Variants in KIF1A observed in about 807,000 individuals in gnomAD.
KIF1A encodes the protein kinesin-like protein KIF1A.
A neutral mutation model predicts 227.3 loss-of-function variants in KIF1A; 46 were observed. The observed-to-expected ratio is 0.20, with a 90% CI of 0.16 to 0.26. KIF1A has a LOEUF of 0.26. Ranked by LOEUF, KIF1A falls within the 10% of genes least tolerant of loss-of-function variation. The pLI, the probability that KIF1A is intolerant of heterozygous loss-of-function variation, is 1.00. For synonymous variants in KIF1A, 1,022 were observed against 1,012.8 expected (o/e 1.01, Z -0.17); for missense variants, 1,683 against 2,485.9 (o/e 0.68, Z 6.87).
At chr2:240,749,114 A>C (rs373704600) in intron 28 of KIF1A, among the ~76,000 whole-genome samples, 6 of 149,214 alleles carry the variant, frequency 4.0e-5, no homozygotes, top group African/African-American at 1.5e-4. Context: ...CGACAGAGCA[A>C]GACTTTGTCC....
chr2:240,782,270 AGG>A, intron 10 of KIF1A: 2 of 912,914 alleles, frequency 2.2e-6, no homozygotes, highest in Non-Finnish European at 2.6e-6. Context: ...TCCATGTCCG[AGG>A]GGCTCCTCCG....
intron 1 of KIF1A, among the ~76,000 whole-genome samples, chr2:240,816,428 C>T (rs760975296): frequency 1.3e-4 from 19 of 151,938 alleles, no homozygotes; most frequent in Admixed American, 8.5e-4. Flanking sequence ...TGTGTGTGGC[C>T]GGGTGACTGC....
Position 240,778,511 on chromosome 2 carries a change from T to A in KIF1A, c.883-2585A>T. ...GGCGCTCGCAGCTCCCGCACAGCGT[T>A]ACACACACACACACACACACACACA... On this transcript the variant is annotated intron_variant, in intron 10 of 48. Transcript: ENST00000498729. The surrounding 1 kb of genome is among the most constrained non-coding windows in gnomAD (Gnocchi z 7.2). Among the ~76,000 whole-genome samples the A allele has an allele frequency of 7.5e-6, 1 of 134,206 alleles. No individual in the cohort carries two copies. Among genetic ancestry groups the A allele is most frequent in the South Asian group, 2.5e-4 (1 of 4,046 alleles). The allele number at this position is 134,206 out of a possible 152,430, so 88.0% of individuals were successfully genotyped here. A position where few individuals can be genotyped will look rare whatever the true frequency, so the allele number is the denominator to read the frequency against.
At chr2:240,767,093 A>G in intron 18 of KIF1A, 72 bp from the exon 19 acceptor site, 1 of 1,266,280 alleles carries the variant, frequency 7.9e-7, no homozygotes, top group East Asian at 2.5e-5. Flanking sequence ...ACTGGCCTCC[A>G]GGGACGCCCA....
intron 10 of KIF1A, among the ~76,000 whole-genome samples, chr2:240,777,955 T>C (rs1009230779): frequency 2.0e-5 from 3 of 152,024 alleles, no homozygotes; most frequent in African/African-American, 7.2e-5. Context: ...TGCTTCCACA[T>C]GTCAGTCCCG....
rs1021969204 is a variant in KIF1A at position 240,778,252 on chromosome 2, C to G, written c.883-2326G>C. On this transcript the variant is annotated intron_variant, in intron 10 of 48. Transcript: ENST00000498729. The surrounding 1 kb of genome is among the most constrained non-coding windows in gnomAD (Gnocchi z 7.2). ...CCACACGCAATTCTGTCACAGTTCTCTGTGGAGTTCTTTACACAGTTCCAC... is the reference window on the plus strand; with the variant it reads ...CCACACGCAATTCTGTCACAGTTCTGTGTGGAGTTCTTTACACAGTTCCAC... Among the ~76,000 whole-genome samples, 1 of 152,124 alleles carries G rather than the reference C, an allele frequency of 6.6e-6. No individual in the cohort carries two copies. Among genetic ancestry groups the G allele is most frequent in the Middle Eastern group, 3.2e-3 (1 of 316 alleles).
At chr2:240,750,593 T>C (rs1310606545) in intron 27 of KIF1A, 46 bp from the exon 28 acceptor site, 4 of 1,389,382 alleles carry the variant, frequency 2.9e-6, no homozygotes, top group Non-Finnish European at 3.1e-6. Flanking sequence ...CCTCCACGCA[T>C]GTTCTGAACG....
chr2:240,793,211 T>A lies in KIF1A; in HGVS notation c.107-3899A>T, dbSNP rs1219520507. The stretch of plus-strand genomic sequence containing the variant: ...GGGTCGCACCCACCCTGGGTCCAGA[T>A]CCCCATCTGTGGGCAAGGGCAGAGA... On this transcript the variant is annotated intron_variant, in intron 2 of 48. Coordinates refer to ENST00000498729, the MANE Select transcript of KIF1A (RefSeq NM_001244008.2). The surrounding 1 kb of genome is among the most constrained non-coding windows in gnomAD (Gnocchi z 4.8). Among the ~76,000 whole-genome samples, 1 of 152,116 alleles carries A rather than the reference T, an allele frequency of 6.6e-6. No homozygotes were observed. Among genetic ancestry groups the A allele is most frequent in the Non-Finnish European group, 1.5e-5 (1 of 68,008 alleles).
In KIF1A at chr2:240,782,190, C is replaced by T. The variant is rs1033688139; in HGVS notation, c.882+400G>A. 1.3e-5 allele frequency: 13 copies of T among 985,264 alleles called. No individual in the cohort carries two copies. The African/African-American group carries it at 1.7e-4, about 13-fold the overall frequency. 61.0% of individuals were successfully genotyped at this position (985,264 alleles called of 1,614,324 possible). ...ACGCGCCCGCCTCCCCCTGTGGCCC[C>T]GTCACGCCTACGGCTGCTCAGAGTC... On this transcript the variant is annotated intron_variant, in intron 10 of 48. Coordinates refer to ENST00000498729, the MANE Select transcript of KIF1A (RefSeq NM_001244008.2).
intron 7 of KIF1A, among the ~76,000 whole-genome samples, chr2:240,784,449 C>G (rs2054456820): frequency 6.6e-6 from 1 of 152,226 alleles, no homozygotes; most frequent in Non-Finnish European, 1.5e-5. Flanking sequence ...TCGTCTGTCC[C>G]CCAACCCACC....
In KIF1A at chr2:240,723,408, C is replaced by T. The variant is rs2045638164; in HGVS notation, c.4464+5G>A. ...TGCGGGCCTCATCCTCTGAGGCTGCCTCACCTCCTGCAGGAGGCTCAGCTT... is the reference window on the plus strand; with the variant it reads ...TGCGGGCCTCATCCTCTGAGGCTGCTTCACCTCCTGCAGGAGGCTCAGCTT... On this transcript the variant is annotated splice_donor_5th_base_variant and intron_variant, in intron 42 of 48. Coordinates refer to ENST00000498729, the MANE Select transcript of KIF1A (RefSeq NM_001244008.2). 6.5e-7 allele frequency: 1 copy of T among 1,544,764 alleles called. No homozygotes were observed. The highest frequency in any genetic ancestry group is 8.7e-7 in the Non-Finnish European group (1 of 1,142,898).
At chr2:240,809,777 A>G (rs1207235678) in intron 1 of KIF1A, among the ~76,000 whole-genome samples, 1 of 151,116 alleles carries the variant, frequency 6.6e-6, no homozygotes, top group East Asian at 1.9e-4. Flanking sequence ...CAAGAGAAAT[A>G]CCTAATGTAA....
chr2:240,818,950 T>TG (rs897149915), intron 1 of KIF1A: 1 of 152,318 alleles, frequency 6.6e-6, no homozygotes, highest in Admixed American at 6.5e-5. Flanking sequence ...CTCCAGTCTC[T>TG]GGGGGAAAGT....
chr2:240,735,155 C>T (rs1243467945), intron 38 of KIF1A, among the ~76,000 whole-genome samples: 2 of 152,116 alleles, frequency 1.3e-5, no homozygotes, highest in Non-Finnish European at 2.9e-5. Flanking sequence ...TGGGAGCTGC[C>T]AGCACGGGCA....
At chr2:240,745,165 T>C (rs2048436418) in intron 32 of KIF1A, among the ~76,000 whole-genome samples, 1 of 152,070 alleles carries the variant, frequency 6.6e-6, no homozygotes, top group Non-Finnish European at 1.5e-5. Flanking sequence ...TGCACCTGCA[T>C]CCGGCTCCCC....
rs2125985178 is a variant in KIF1A at position 240,775,798 on chromosome 2, CAGCCCAGGGTGGGATCAG to C, written c.958+35_958+52del. The C allele has an allele frequency of 1.1e-5, 13 of 1,232,316 alleles. No homozygotes were observed. Among genetic ancestry groups the C allele is most frequent in the Middle Eastern group, 1.9e-4 (1 of 5,280 alleles). 76.3% of individuals were successfully genotyped at this position (1,232,316 alleles called of 1,614,324 possible). ...ACCCCCTCAGTGGGGAAGAAGGGCA[CAGCCCAGGGTGGGATCAG>C]AGCCCTGGGGACAGGCAAACCCACA... On this transcript the variant is annotated intron_variant, in intron 11 of 48. Transcript: ENST00000498729. This position sits in a 1 kb window ranked among gnomAD's most constrained non-coding sequence, Gnocchi z 5.5.
Position 240,731,492 on chromosome 2 carries a change from G to A in KIF1A, c.4008-4552C>T, listed in dbSNP as rs555275237. Among the ~76,000 whole-genome samples, 7 of 152,336 alleles carry A rather than the reference G, an allele frequency of 4.6e-5. No homozygotes were observed. The East Asian group carries it at 1.4e-3, about 29-fold the overall frequency. Reference sequence around the variant, plus strand: ...CCACCCCTGAAGTTGTGCCAGCTGGGAGACAACCAGCATGTCACTGCTCCC... The same window carrying A: ...CCACCCCTGAAGTTGTGCCAGCTGGAAGACAACCAGCATGTCACTGCTCCC... On this transcript the variant is annotated intron_variant, in intron 38 of 48. Coordinates refer to ENST00000498729, the MANE Select transcript of KIF1A (RefSeq NM_001244008.2).
chr2:240,771,064 G>C lies in KIF1A; in HGVS notation c.1248C>G (p.Leu416=). 6.2e-7 allele frequency: 1 copy of C among 1,613,552 alleles called. No individual in the cohort carries two copies. The highest frequency in any genetic ancestry group is 8.5e-7 in the Non-Finnish European group (1 of 1,179,842). The change falls in exon 15 of 49, where the codon CTC becomes CTG. Residue 416 remains leucine, a synonymous_variant. Coordinates refer to ENST00000498729, the MANE Select transcript of KIF1A (RefSeq NM_001244008.2). ...ALVGMSPSSS[L]SALSSRAASV... ...AGGCCGCGCGGCTGGACAGGGCTGA[G>C]AGCGAGGATGAGGGGCTCATACCCA...
intron 1 of KIF1A, among the ~76,000 whole-genome samples, chr2:240,809,668 ATTT>A (rs59491347): frequency 7.1e-6 from 1 of 140,350 alleles, no homozygotes; most frequent in Non-Finnish European, 1.6e-5. Flanking sequence ...TAGGGAAGGA[ATTT>A]TTTTTTTTTT....
Sources: allele counts gnomAD v4.1 joint callset (sites outside exome capture counted in the v4.1 genomes callset), GRCh38; gene constraint gnomAD v4.1.1; non-coding constraint Gnocchi (gnomAD v3.1); transcripts MANE v1.5; gene names NCBI Gene and HGNC (gene_info 2026-07-23, HGNC 2026-07-21).